PRAMEF27: variants seen among roughly 807,000 people sequenced by gnomAD.
PRAMEF27 encodes the protein PRAME family member 27.
Under a neutral mutation model 21.0 loss-of-function variants are expected in PRAMEF27, and 5 were observed. The ratio of observed to expected loss-of-function variants is 0.24; its 90% confidence interval spans 0.12 to 0.50. The LOEUF is 0.50. PRAMEF27 is among the 20% of genes least tolerant of loss of function. The probability of loss-of-function intolerance (pLI) is 0.98; values close to 1 mark genes in which losing one functional copy is unlikely to be tolerated. For missense variants in PRAMEF27, 138 were observed against 541.4 expected (o/e 0.25, Z 7.39); for synonymous variants, 61 against 211.2 (o/e 0.29, Z 6.17).
chr1:13,053,504 C>T lies in PRAMEF27; in HGVS notation c.156G>A (p.Glu52=). Residue 52 remains glutamate (E), a synonymous_variant, in exon 2 of 4, where the codon GAG becomes GAA. Transcript: ENST00000436041. ...FMEAFSRRCC[E]ALKLMVQAWP... ...AGGCCTGCACCATCAGCTTCAGGGC[C>T]TCACAGCATCTCCTGCTGAAGGCCT... 4 of 1,474,758 alleles carry T rather than the reference C, an allele frequency of 2.7e-6. 1 individual carries two copies. The South Asian group carries it at 5.1e-5, about 19-fold the overall frequency. The allele number at this position is 1,474,758 out of a possible 1,614,324, so 91.4% of individuals were successfully genotyped here.
Position 13,052,307 on chromosome 1 carries a change from T to G in PRAMEF27, c.686A>C (p.Tyr229Ser). 1 of 1,449,794 alleles carries G rather than the reference T, an allele frequency of 6.9e-7. No individual in the cohort carries two copies. Among genetic ancestry groups the G allele is most frequent in the Admixed American group, 1.9e-5 (1 of 52,624 alleles). The allele number at this position is 1,449,794 out of a possible 1,614,324, so 89.8% of individuals were successfully genotyped here. A position where few individuals can be genotyped will look rare whatever the true frequency, so the allele number is the denominator to read the frequency against. ...VLPILTQFTPYLGHMRNLQKL... is the reference protein window; with the variant it reads ...VLPILTQFTPSLGHMRNLQKL... Reference sequence around the variant, plus strand: ...CTGAAGATTCCTCATGTGGCCCAGGTATGGGGTAAACTGTGTCAGGATGGG... The same window carrying G: ...CTGAAGATTCCTCATGTGGCCCAGGGATGGGGTAAACTGTGTCAGGATGGG... Residue 229 changes from tyrosine to serine, a missense_variant, in exon 3 of 4, where the codon TAC becomes TCC. Coordinates refer to ENST00000436041, the MANE Select transcript of PRAMEF27 (RefSeq NM_001300891.2).
At chr1:13,054,056 C>A (rs1272994822) in intron 1 of PRAMEF27, 4 of 242,960 alleles carry the variant, frequency 1.6e-5, no homozygotes, top group Admixed American at 1.4e-4. Flanking sequence ...TCAGTTCCTA[C>A]AAATAAGTTT....
At position 13,056,178 on chromosome 1, in the gene PRAMEF27, G is replaced by T. The variant is rs1303077064; in HGVS notation, c.-17+236C>A. The stretch of plus-strand genomic sequence containing the variant: ...CCCAAAGTGTTGGGGTTAAAGGCGT[G>T]AGTCACTGCTCCCTTCAAGAATTTT... On this transcript the variant is annotated intron_variant, in intron 1 of 3. Coordinates refer to ENST00000436041, the MANE Select transcript of PRAMEF27 (RefSeq NM_001300891.2). The T allele has an allele frequency of 2.6e-5, 3 of 117,486 alleles. 1 individual carries two copies. The highest frequency in any genetic ancestry group is 4.7e-5 in the Non-Finnish European group (3 of 63,596). 7.3% of individuals were successfully genotyped at this position (117,486 alleles called of 1,614,324 possible).
rs1215564323 is a variant in PRAMEF27 at position 13,049,931 on chromosome 1, A to T, written c.1314T>A (p.Ala438=). 6.3e-6 allele frequency: 9 copies of T among 1,419,590 alleles called. 3 individuals carry two copies. The highest frequency in any genetic ancestry group is 7.1e-5 in the African/African-American group (2 of 28,280). The allele number at this position is 1,419,590 out of a possible 1,614,324, so 87.9% of individuals were successfully genotyped here. The change falls in exon 4 of 4, where the codon GCT becomes GCA. Residue 438 remains alanine, a synonymous_variant. Transcript: ENST00000436041. ...LCWNRFAQIR[A]ELMNRVRDLR... The stretch of plus-strand genomic sequence containing the variant: ...AGTCCCTCACTCTGTTCATCAGCTC[A>T]GCCCTAATTTGAGCAAATCTGTTCC...
At chr1:13,055,670 C>T (rs1324441313) in intron 1 of PRAMEF27, 2 of 150,582 alleles carry the variant, frequency 1.3e-5, no homozygotes. Flanking sequence ...CTCTTTTGCC[C>T]AGGCTGGAGT....
At chr1:13,055,635 G>C (rs1346726931) in intron 1 of PRAMEF27, 7 of 151,278 alleles carry the variant, frequency 4.6e-5, no homozygotes, top group East Asian at 1.9e-4. Context: ...GATTGATTTT[G>C]TTTTTGTTTT....
At position 13,049,988 on chromosome 1, in the gene PRAMEF27, C is replaced by T. The variant is rs1293605604; in HGVS notation, c.1257G>A (p.Arg419=). 86 of 1,434,942 alleles carry T rather than the reference C, an allele frequency of 6.0e-5. 18 individuals are homozygous for T. The highest frequency in any genetic ancestry group is 7.5e-5 in the Non-Finnish European group (82 of 1,087,942). 88.9% of individuals were successfully genotyped at this position (1,434,942 alleles called of 1,614,324 possible). A position where few individuals can be genotyped will look rare whatever the true frequency, so the allele number is the denominator to read the frequency against. Reference sequence around the variant, plus strand: ...GAGTACCATCAGCACCATAACTCTCCCGCGGGGCAGGATACACCTCCACGC... The same window carrying T: ...GAGTACCATCAGCACCATAACTCTCTCGCGGGGCAGGATACACCTCCACGC... ...NLCVEVYPAP[R]ESYGADGTLC... is the part of the protein sequence containing the mutation. The change falls in exon 4 of 4, where the codon CGG becomes CGA. Residue 419 remains arginine, a synonymous_variant. Coordinates refer to ENST00000436041, the MANE Select transcript of PRAMEF27 (RefSeq NM_001300891.2).
intron 3 of PRAMEF27, 90 bp from the exon 4 acceptor site, chr1:13,050,459 C>T: frequency 3.3e-6 from 3 of 904,868 alleles, no homozygotes; most frequent in Non-Finnish European, 4.7e-6. Flanking sequence ...TGGATGGAGA[C>T]CATTTTGCCC....
rs1642184980 is a variant in PRAMEF27 at position 13,049,980 on chromosome 1, T to G, written c.1265A>C (p.Tyr422Ser). Residue 422 changes from tyrosine to serine, a missense_variant, in exon 4 of 4, where the codon TAT (tyrosine) becomes TCT (serine). Coordinates refer to ENST00000436041, the MANE Select transcript of PRAMEF27 (RefSeq NM_001300891.2). ...CCAGCAGAGAGTACCATCAGCACCA[T>G]AACTCTCCCGCGGGGCAGGATACAC... Reference protein sequence around the residue: ...VEVYPAPRESYGADGTLCWNR... With the variant: ...VEVYPAPRESSGADGTLCWNR... The G allele has an allele frequency of 6.3e-6, 9 of 1,434,286 alleles. 1 individual carries two copies. The highest frequency in any genetic ancestry group is 8.3e-6 in the Non-Finnish European group (9 of 1,087,916). 88.8% of individuals were successfully genotyped at this position (1,434,286 alleles called of 1,614,324 possible).
rs1232650245 is a variant in PRAMEF27 at position 13,049,917 on chromosome 1, C to G, written c.1328G>C (p.Arg443Thr). The stretch of plus-strand genomic sequence containing the variant: ...CTTGGGGTGCCTTAAGTCCCTCACT[C>G]TGTTCATCAGCTCAGCCCTAATTTG... ...FAQIRAELMNRVRDLRHPKRI... is the reference protein window; with the variant it reads ...FAQIRAELMNTVRDLRHPKRI... Residue 443 changes from arginine (R) to threonine (T), a missense_variant, in exon 4 of 4, where the codon AGA becomes ACA. Transcript: ENST00000436041. 7.0e-7 allele frequency: 1 copy of G among 1,419,686 alleles called. No homozygotes were observed. The highest frequency in any genetic ancestry group is 9.2e-7 in the Non-Finnish European group (1 of 1,081,822). The allele number at this position is 1,419,686 out of a possible 1,614,324, so 87.9% of individuals were successfully genotyped here.
intron 3 of PRAMEF27, 80 bp from the exon 4 acceptor site, chr1:13,050,449 T>G: frequency 8.9e-7 from 1 of 1,127,958 alleles, no homozygotes; most frequent in Non-Finnish European, 1.2e-6. Context: ...TTCAAGGTAA[T>G]GGATGGAGAC....
At chr1:13,055,239 AAG>A (rs1642234657) in intron 1 of PRAMEF27, 1 of 5,690 alleles carries the variant, frequency 1.8e-4, no homozygotes, top group African/African-American at 1.3e-3. Context: ...GACAGAAAGA[AAG>A]AAAACTTGAA....
At chr1:13,055,472 G>T in intron 1 of PRAMEF27, 1 of 63,832 alleles carries the variant, frequency 1.6e-5, no homozygotes, top group Non-Finnish European at 2.6e-5. Flanking sequence ...TTGGCTCACT[G>T]TTACCTCCAA....
Position 13,053,561 on chromosome 1 carries a change from C to T in PRAMEF27, c.99G>A (p.Leu33=), listed in dbSNP as rs1476603453. The T allele has an allele frequency of 1.5e-5, 23 of 1,579,066 alleles. No homozygotes were observed. In the Admixed American group the frequency reaches 3.6e-4, roughly 25 times the overall value. The change falls in exon 2 of 4, where the codon CTG becomes CTA. Residue 33 remains leucine (L), a synonymous_variant. Coordinates refer to ENST00000436041, the MANE Select transcript of PRAMEF27 (RefSeq NM_001300891.2). ...ACAGTGGGGGGAAAAGTTCTGTGGG[C>T]AGCTCCTCCAGGGTGGACATGGCCA... ...QALAMSTLEE[L]PTELFPPLFM... is the part of the protein sequence containing the mutation.
At chr1:13,056,391 C>T (rs1642247262) in intron 1 of PRAMEF27, 23 bp downstream of exon 1, 1 of 127,488 alleles carries the variant, frequency 7.8e-6, no homozygotes, top group Non-Finnish European at 1.5e-5. Context: ...ATGGGAGTGT[C>T]CTTACAGAAA....
chr1:13,052,926 C>CTTGG, intron 2 of PRAMEF27: 1 of 378,464 alleles, frequency 2.6e-6, no homozygotes, highest in Non-Finnish European at 4.2e-6. Context: ...TGTGATGTCA[C>CTTGG]CTCACTGCAA....
intron 3 of PRAMEF27, chr1:13,051,682 C>T (rs1270635893): frequency 5.5e-6 from 1 of 182,442 alleles, no homozygotes; most frequent in Admixed American, 5.6e-5. Flanking sequence ...TCACTTCTGA[C>T]AGGGGTCTTG....
chr1:13,056,364 G>A (rs1642247017), intron 1 of PRAMEF27, 50 bp downstream of exon 1: 1 of 125,174 alleles, frequency 8.0e-6, no homozygotes, highest in Non-Finnish European at 1.5e-5. Context: ...ATCCCAGACT[G>A]ACTGACTCTA....
At position 13,053,836 on chromosome 1, in the gene PRAMEF27, G is replaced by T. The variant is rs2100238814; in HGVS notation, c.-16-161C>A. 3 of 1,028,122 alleles carry T rather than the reference G, an allele frequency of 2.9e-6. 1 individual carries two copies. The highest frequency in any genetic ancestry group is 3.9e-6 in the Non-Finnish European group (3 of 763,426). The allele number at this position is 1,028,122 out of a possible 1,614,324, so 63.7% of individuals were successfully genotyped here. On this transcript the variant is annotated intron_variant, in intron 1 of 3. Transcript: ENST00000436041. ...TCAGTGGCCATTAAGCCAGCATTGT[G>T]CCTCTGCTGCATCAGCATGAGCGTC... is the stretch of plus-strand genomic sequence containing the variant.
Sources: gnomAD v4.1 joint callset for allele counts on GRCh38, gnomAD v4.1.1 for gene constraint, MANE v1.5 for transcripts, NCBI Gene and HGNC (gene_info 2026-07-23, HGNC 2026-07-21) for gene names.